The following PIP4K2A variants were observed in gnomAD, a reference collection of about 807,000 sequenced individuals.
PIP4K2A encodes the protein phosphatidylinositol 5-phosphate 4-kinase type-2 alpha.
PIP4K2A carries 14 observed loss-of-function variants against 42.9 expected under a neutral mutation model. The observed-to-expected ratio is 0.33, with a 90% CI of 0.22 to 0.51. The LOEUF is 0.51. PIP4K2A is among the 20% of genes least tolerant of loss of function. The probability of loss-of-function intolerance (pLI) is 0.97; values close to 1 mark genes in which losing one functional copy is unlikely to be tolerated. For missense variants in PIP4K2A, 434 were observed against 519.8 expected (o/e 0.83, Z 1.61); for synonymous variants, 192 against 192.2 (o/e 1.00, Z 0.01).
rs1172702333 is a variant in PIP4K2A, at chr10:22,630,174, C to CAAA, written c.145-20460_145-20458dup. ...GAAACACAGGGCGACTTCATGACTA[C>CAAA]AAAAAAAAAAAAAAAGCCAGGTATG... On this transcript the variant is annotated intron_variant, in intron 1 of 9. Transcript: ENST00000376573. 1.8e-3 allele frequency among the ~76,000 whole-genome samples: 187 copies of CAAA among 102,516 alleles called. 2 individuals are homozygous for CAAA. The highest frequency in any genetic ancestry group is 6.0e-3 in the African/African-American group (172 of 28,460). 67.3% of individuals were successfully genotyped at this position (102,516 alleles called of 152,430 possible).
intron 5 of PIP4K2A, among the ~76,000 whole-genome samples, chr10:22,571,059 T>G (rs541831104): frequency 1.3e-5 from 2 of 152,228 alleles, no homozygotes; most frequent in Non-Finnish European, 1.5e-5. Context: ...ACACGTCTTT[T>G]CAATATTCTG....
intron 1 of PIP4K2A, among the ~76,000 whole-genome samples, chr10:22,639,245 C>T (rs781534401): frequency 3.3e-5 from 5 of 151,994 alleles, no homozygotes; most frequent in Non-Finnish European, 5.9e-5. Context: ...AACTGTCAAC[C>T]TTTACCATGC....
intron 1 of PIP4K2A, among the ~76,000 whole-genome samples, chr10:22,647,066 T>TA (rs1457627484): frequency 3.5e-4 from 53 of 152,318 alleles, no homozygotes; most frequent in African/African-American, 1.2e-3. Context: ...ACTACAAAGT[T>TA]TTTTCAAAGA....
chr10:22,664,182 C>CATATATATACAT (rs1200640066), intron 1 of PIP4K2A, among the ~76,000 whole-genome samples: 5 of 43,544 alleles, frequency 1.1e-4, no homozygotes, highest in Admixed American at 5.7e-4. Context: ...TATATATATA[C>CATATATATACAT]ATATATATAC....
intron 1 of PIP4K2A, among the ~76,000 whole-genome samples, chr10:22,712,811 G>A (rs1743788120): frequency 6.6e-6 from 1 of 152,060 alleles, no homozygotes; most frequent in Non-Finnish European, 1.5e-5. Context: ...ATGCAAACAC[G>A]ATCGATCCTG....
Position 22,535,963 on chromosome 10 carries a change from A to C in PIP4K2A, c.*1238T>G. ...CTTTGACTAAAACACTCACGTAAAA[A>C]CATGGCTGCAGGATACGTCTCAAAA... On this transcript the variant is annotated 3_prime_UTR_variant, in exon 10 of 10. Transcript: ENST00000376573. 5.1e-6 allele frequency: 2 copies of C among 395,260 alleles called. No homozygotes were observed. The highest frequency in any genetic ancestry group is 8.9e-6 in the Non-Finnish European group (2 of 224,314). 24.5% of individuals were successfully genotyped at this position (395,260 alleles called of 1,614,324 possible).
At chr10:22,640,412 G>T (rs1318608787) in intron 1 of PIP4K2A, among the ~76,000 whole-genome samples, 1 of 152,204 alleles carries the variant, frequency 6.6e-6, no homozygotes, top group African/African-American at 2.4e-5. Flanking sequence ...TCATCCCACA[G>T]GAGCCTCAGC....
chr10:22,653,258 G>A (rs748684442), intron 1 of PIP4K2A, among the ~76,000 whole-genome samples: 2 of 152,138 alleles, frequency 1.3e-5, no homozygotes, highest in South Asian at 4.1e-4. Flanking sequence ...TGCCTCAGGT[G>A]GGGGGCAGTA....
chr10:22,648,688 G>A (rs1430668728), intron 1 of PIP4K2A, among the ~76,000 whole-genome samples: 5 of 152,150 alleles, frequency 3.3e-5, no homozygotes, highest in African/African-American at 7.2e-5. Context: ...CCTGGCTCTT[G>A]TGGTCTGAAA....
intron 9 of PIP4K2A, 51 bp downstream of exon 9, chr10:22,539,909 GAGGGAGAGAGA>G: frequency 8.7e-6 from 1 of 114,406 alleles, no homozygotes; most frequent in Middle Eastern, 2.4e-3. Flanking sequence ...GAGAGAGAGA[GAGGGAGAGAGA>G]GAGAGAGAGA....
intron 1 of PIP4K2A, among the ~76,000 whole-genome samples, chr10:22,652,305 G>C (rs1839012605): frequency 6.6e-6 from 1 of 151,932 alleles, no homozygotes; most frequent in Non-Finnish European, 1.5e-5. Flanking sequence ...ATTTTTAGTA[G>C]AGACAGGGTT....
chr10:22,571,235 A>G (rs1836980177), intron 5 of PIP4K2A, among the ~76,000 whole-genome samples: 1 of 152,222 alleles, frequency 6.6e-6, no homozygotes, highest in South Asian at 2.1e-4. Flanking sequence ...AGATCTGGGC[A>G]TGTGACTGAT....
At chr10:22,621,455 T>C (rs192567690) in intron 1 of PIP4K2A, among the ~76,000 whole-genome samples, 9 of 152,356 alleles carry the variant, frequency 5.9e-5, no homozygotes, top group Admixed American at 1.3e-4. Flanking sequence ...GGTATCTTTC[T>C]TTCCATTCAT....
chr10:22,687,133 A>G (rs916638437), intron 1 of PIP4K2A, among the ~76,000 whole-genome samples: 2 of 147,414 alleles, frequency 1.4e-5, no homozygotes, highest in African/African-American at 2.5e-5. Flanking sequence ...GTAGGCAAGA[A>G]TAAGTCAGAT....
At chr10:22,687,365 T>C (rs1839786199) in intron 1 of PIP4K2A, among the ~76,000 whole-genome samples, 1 of 151,852 alleles carries the variant, frequency 6.6e-6, no homozygotes, top group South Asian at 2.1e-4. Context: ...AGAGCCGAGG[T>C]GGAGGGAGGC....
chr10:22,657,832 G>C (rs920053621), intron 1 of PIP4K2A, among the ~76,000 whole-genome samples: 19 of 152,138 alleles, frequency 1.2e-4, no homozygotes, highest in African/African-American at 4.6e-4. Flanking sequence ...TAAGAACACT[G>C]TTATTAAACA....
At chr10:22,568,918 T>G in intron 5 of PIP4K2A, 12 of 930,678 alleles carry the variant, frequency 1.3e-5, no homozygotes, top group Non-Finnish European at 1.7e-5. Flanking sequence ...CTAACTATCG[T>G]GAGGTCAGCC....
Position 22,609,638 on chromosome 10 carries a change from T to A in PIP4K2A, c.224A>T (p.Asp75Val). 6.3e-7 allele frequency: 1 copy of A among 1,585,522 alleles called. No homozygotes were observed. Among genetic ancestry groups the A allele is most frequent in the African/African-American group, 1.3e-5 (1 of 74,554 alleles). The change falls in exon 2 of 10, where the codon GAC becomes GTC. Residue 75 changes from aspartate to valine, a missense_variant. Asp to Val is a radical substitution (Grantham distance 152, BLOSUM62 -3). Transcript: ENST00000376573. ...DFKAYSKIKV[D>V]NHLFNKENMP... The stretch of plus-strand genomic sequence containing the variant: ...TACTTACTTGTTAAAAAGGTGATTG[T>A]CCACCTTTATTTTTGAATAGGCTTT...
rs1053679056 is a variant in PIP4K2A, at chr10:22,623,320, A to G, written c.145-13603T>C. Among the ~76,000 whole-genome samples, 26 of 152,132 alleles carry G rather than the reference A, an allele frequency of 1.7e-4. 1 individual carries two copies. Among genetic ancestry groups the G allele is most frequent in the African/African-American group, 6.3e-4 (26 of 41,428 alleles). On this transcript the variant is annotated intron_variant, in intron 1 of 9. Transcript: ENST00000376573. ...TTCCGTACTGTTTAAATTCTTGATCACTTGTTATTTTCATAGTAATGATGG... is the reference window on the plus strand; with the variant it reads ...TTCCGTACTGTTTAAATTCTTGATCGCTTGTTATTTTCATAGTAATGATGG...
Sources: gnomAD v4.1 joint callset for allele counts (sites outside exome capture counted in the v4.1 genomes callset) on GRCh38, gnomAD v4.1.1 for gene constraint, MANE v1.5 for transcripts, NCBI Gene and HGNC (gene_info 2026-07-23, HGNC 2026-07-21) for gene names.